The following DGLUCY variants were observed in gnomAD, a reference collection of about 807,000 sequenced individuals.
DGLUCY encodes the protein D-glutamate cyclase.
DGLUCY carries 58 observed loss-of-function variants against 58.5 expected under a neutral mutation model. That is an observed-to-expected ratio of 0.99 (90% CI 0.80 to 1.23). DGLUCY has a LOEUF of 1.23. Among genes scored for constraint, DGLUCY ranks in the 50% most tolerant of loss-of-function variants. The pLI is 0.00. For missense variants in DGLUCY, 779 were observed against 784.7 expected (o/e 0.99, Z 0.09); for synonymous variants, 325 against 314.1 (o/e 1.03, Z -0.37).
At chr14:91,080,435 A>G (rs2044104405) in intron 1 of DGLUCY, among the ~76,000 whole-genome samples, 1 of 152,110 alleles carries the variant, frequency 6.6e-6, no homozygotes, top group African/African-American at 2.4e-5. Context: ...AAATGGCACG[A>G]TCTCAGCTCA....
Position 91,204,882 on chromosome 14 carries a change from T to C in DGLUCY, c.1564+57T>C, listed in dbSNP as rs990393871. On this transcript the variant is annotated intron_variant, in intron 12 of 13. Transcript: ENST00000256324. ...GGCTACCCAGGGTGAGCGACCTGGC[T>C]TGGAGCCTGACCAGGCCAGAAGCTC... 3.7e-6 allele frequency: 6 copies of C among 1,609,150 alleles called. No individual in the cohort carries two copies. In the African/African-American group the frequency reaches 5.3e-5, roughly 14 times the overall value.
At chr14:91,195,474 C>T (rs1187325860) in intron 9 of DGLUCY, among the ~76,000 whole-genome samples, 1 of 152,044 alleles carries the variant, frequency 6.6e-6, no homozygotes, top group Non-Finnish European at 1.5e-5. Context: ...AAGGCACAGA[C>T]TCTGGGAATT....
intron 6 of DGLUCY, among the ~76,000 whole-genome samples, chr14:91,175,374 C>T (rs781197579): frequency 4.6e-5 from 7 of 152,058 alleles, no homozygotes; most frequent in South Asian, 4.2e-4. Context: ...ACTGCATAAC[C>T]GACAACATTA....
At chr14:91,221,166 A>G (rs1311856729) in intron 13 of DGLUCY, among the ~76,000 whole-genome samples, 1 of 152,214 alleles carries the variant, frequency 6.6e-6, no homozygotes, top group African/African-American at 2.4e-5. Flanking sequence ...TGGATGTGGA[A>G]TATGCCATCA....
chr14:91,220,038 T>C (rs938260516), intron 13 of DGLUCY, among the ~76,000 whole-genome samples: 3 of 152,200 alleles, frequency 2.0e-5, no homozygotes, highest in African/African-American at 7.2e-5. Context: ...TGTGCCTGGA[T>C]GCTGGTCTGG....
chr14:91,103,187 T>C (rs1035428706), upstream of DGLUCY, among the ~76,000 whole-genome samples: 2 of 152,138 alleles, frequency 1.3e-5, no homozygotes, highest in Non-Finnish European at 2.9e-5. Context: ...GGGGAGCTGC[T>C]GCCAGTCACC....
At chr14:91,073,541 G>T (rs2043958359) in intron 1 of DGLUCY, among the ~76,000 whole-genome samples, 1 of 152,130 alleles carries the variant, frequency 6.6e-6, no homozygotes, top group Admixed American at 6.6e-5. Context: ...TGCCATATTG[G>T]CCAGGCTGGC....
chr14:91,136,364 T>A (rs2046336650), intron 1 of DGLUCY, among the ~76,000 whole-genome samples: 1 of 152,184 alleles, frequency 6.6e-6, no homozygotes, highest in African/African-American at 2.4e-5. Flanking sequence ...TAATGAAAGT[T>A]TTATGTGACA....
At chr14:91,064,548 A>G (rs1014096543) in intron 1 of DGLUCY, among the ~76,000 whole-genome samples, 1 of 149,014 alleles carries the variant, frequency 6.7e-6, no homozygotes, top group Non-Finnish European at 1.5e-5. Context: ...ACTGGAACCC[A>G]GGAGGCAGAG....
upstream of DGLUCY, among the ~76,000 whole-genome samples, chr14:91,112,825 C>G (rs2044730107): frequency 6.6e-6 from 1 of 151,514 alleles, no homozygotes; most frequent in Non-Finnish European, 1.5e-5. Context: ...TGACACCATC[C>G]TGGCTAACAC....
At position 91,127,746 on chromosome 14, in the gene DGLUCY, T is replaced by C. The variant is rs561744758; in HGVS notation, c.-82+13463T>C. ...ATCTGACTTTTGCAATCCTGAAATA[T>C]GATTTTCTGGTTCTCAGCTCAGCTG... On this transcript the variant is annotated intron_variant, in intron 1 of 13. Coordinates refer to ENST00000256324, the MANE Select transcript of DGLUCY (RefSeq NM_001102368.3). Among the ~76,000 whole-genome samples, 3 of 152,328 alleles carry C rather than the reference T, an allele frequency of 2.0e-5. No homozygotes were observed. The South Asian group carries it at 6.2e-4, about 32-fold the overall frequency.
chr14:91,077,769 A>G (rs1763778747), intron 1 of DGLUCY, among the ~76,000 whole-genome samples: 1 of 136,048 alleles, frequency 7.4e-6, no homozygotes, highest in African/African-American at 2.7e-5. Context: ...AAAAAGAGAG[A>G]GAGAAAGAGA....
chr14:91,181,877 C>T (rs1484275229), intron 8 of DGLUCY, among the ~76,000 whole-genome samples: 1 of 151,956 alleles, frequency 6.6e-6, no homozygotes, highest in Non-Finnish European at 1.5e-5. Context: ...AAACTGCTGA[C>T]CTCATGATCC....
chr14:91,193,800 C>T (rs1195294429), intron 9 of DGLUCY, among the ~76,000 whole-genome samples: 1 of 150,756 alleles, frequency 6.6e-6, no homozygotes, highest in African/African-American at 2.4e-5. Context: ...TGAAATTGTA[C>T]CACTGCACTC....
At chr14:91,089,290 A>G (rs2044271364) in intron 1 of DGLUCY, among the ~76,000 whole-genome samples, 1 of 152,172 alleles carries the variant, frequency 6.6e-6, no homozygotes, top group Admixed American at 6.6e-5. Flanking sequence ...TCTGTCAGGA[A>G]GAAAAGGGTG....
chr14:91,080,560 G>C (rs183947995), intron 1 of DGLUCY, among the ~76,000 whole-genome samples: 122 of 152,108 alleles, frequency 8.0e-4, no homozygotes, highest in Non-Finnish European at 1.5e-3. Flanking sequence ...TAGGAGAGAC[G>C]GGGTTTCACC....
rs544416317 is a variant in DGLUCY at position 91,206,343 on chromosome 14, C to T, written c.1564+1518C>T. On this transcript the variant is annotated intron_variant, in intron 12 of 13. Transcript: ENST00000256324. Reference sequence around the variant, plus strand: ...TGCAGAGCCCTTCCCCTCCCCGACACATCTTACCACCATCACTAAAGGTCC... The same window carrying T: ...TGCAGAGCCCTTCCCCTCCCCGACATATCTTACCACCATCACTAAAGGTCC... Among the ~76,000 whole-genome samples the T allele has an allele frequency of 9.2e-5, 14 of 152,194 alleles. 1 individual carries two copies. Among genetic ancestry groups the T allele is most frequent in the Non-Finnish European group, 1.5e-5 (1 of 68,002 alleles).
intron 1 of DGLUCY, chr14:91,148,569 TTTAG>T (rs2047137961): frequency 6.6e-6 from 1 of 152,240 alleles, no homozygotes; most frequent in Non-Finnish European, 1.5e-5. Context: ...TAAATTATTG[TTTAG>T]TTACAGATTA....
chr14:91,208,520 G>A (rs779885264), intron 12 of DGLUCY, among the ~76,000 whole-genome samples: 3 of 152,070 alleles, frequency 2.0e-5, no homozygotes, highest in Non-Finnish European at 2.9e-5. Context: ...AGGCCGAGGC[G>A]GGCAGATCAC....
Sources: allele counts gnomAD v4.1 joint callset (sites outside exome capture counted in the v4.1 genomes callset), GRCh38; gene constraint gnomAD v4.1.1; transcripts MANE v1.5; gene names NCBI Gene and HGNC (gene_info 2026-07-23, HGNC 2026-07-21).